Variants in ABL2 observed in about 807,000 individuals in gnomAD.
ABL2 encodes the protein tyrosine-protein kinase ABL2.
Under a neutral mutation model 107.7 loss-of-function variants are expected in ABL2, and 49 were observed. The ratio of observed to expected loss-of-function variants is 0.45; its 90% CI spans 0.36 to 0.58. ABL2 has a LOEUF of 0.58. ABL2 is among the 20% of genes least tolerant of loss of function. The probability of loss-of-function intolerance (pLI) is 0.00; values close to 1 mark genes in which losing one functional copy is unlikely to be tolerated. For synonymous variants in ABL2, 549 were observed against 548.6 expected, an observed-to-expected ratio of 1.00 and a Z score of -0.01; for missense variants, 1,245 against 1,457.0, an observed-to-expected ratio of 0.85 and a Z score of 2.37.
At chr1:179,202,540 C>A (rs1297875002) in intron 1 of ABL2, among the ~76,000 whole-genome samples, 1 of 152,194 alleles carries the variant, frequency 6.6e-6, no homozygotes, top group Non-Finnish European at 1.5e-5. Context: ...GCCTAAATAC[C>A]TGTATACAAA....
chr1:179,099,666 T>A lies in ABL2; in HGVS notation c.*8052A>T, dbSNP rs1224177410. On this transcript the variant is annotated 3_prime_UTR_variant, in exon 12 of 12. Transcript: ENST00000502732. ...CAAACCTCACCCTCTGTGCACCACA[T>A]ACACACCTGCGGGGCGGGACCTTTG... 4.3e-6 allele frequency: 1 copy of A among 231,108 alleles called. No homozygotes were observed. Among genetic ancestry groups the A allele is most frequent in the Non-Finnish European group, 8.6e-6 (1 of 116,810 alleles). The allele number at this position is 231,108 out of a possible 1,614,324, so 14.3% of individuals were successfully genotyped here.
rs1457116735 is a variant in ABL2 at position 179,099,394 on chromosome 1, G to A, written c.*8324C>T. 4.8e-6 allele frequency: 1 copy of A among 208,434 alleles called. No individual in the cohort carries two copies. Among genetic ancestry groups the A allele is most frequent in the Non-Finnish European group, 9.8e-6 (1 of 102,492 alleles). 12.9% of individuals were successfully genotyped at this position (208,434 alleles called of 1,614,324 possible). A position where few individuals can be genotyped will look rare whatever the true frequency, so the allele number is the denominator to read the frequency against. On this transcript the variant is annotated 3_prime_UTR_variant, in exon 12 of 12. Coordinates refer to ENST00000502732, the MANE Select transcript of ABL2 (RefSeq NM_007314.4). ...CACAACTTGGCAAACCTTGTGAGAA[G>A]ACAGAGAAAGCAGTCCCTTTCAAGG...
intron 1 of ABL2, among the ~76,000 whole-genome samples, chr1:179,170,573 T>C (rs956529317): frequency 2.6e-5 from 4 of 152,042 alleles, no homozygotes; most frequent in African/African-American, 7.2e-5. Flanking sequence ...CACGTCACCA[T>C]GCCCAGCTAA....
In ABL2 at chr1:179,156,595, C is replaced by T. The variant is rs183535797; in HGVS notation, c.158-23221G>A. Among the ~76,000 whole-genome samples, 412 of 152,240 alleles carry T rather than the reference C, an allele frequency of 2.7e-3. 2 individuals are homozygous for T. The highest frequency in any genetic ancestry group is 9.5e-3 in the African/African-American group (395 of 41,544). On this transcript the variant is annotated intron_variant, in intron 1 of 11. Transcript: ENST00000502732. ...CCTTAGTTAATAAAACTTTACTAGG[C>T]CTGGCATGGTGGCTCACACCTGTAA...
Position 179,106,579 on chromosome 1 carries a change from T to A in ABL2, c.*1139A>T, listed in dbSNP as rs1212900542. ...AAATCCATAGAGAGGAGAATGCCTCTCCCTATTCTCTACCTGGATTGGGCT... is the reference window on the plus strand; with the variant it reads ...AAATCCATAGAGAGGAGAATGCCTCACCCTATTCTCTACCTGGATTGGGCT... On this transcript the variant is annotated 3_prime_UTR_variant, in exon 12 of 12. Coordinates refer to ENST00000502732, the MANE Select transcript of ABL2 (RefSeq NM_007314.4). 2 of 232,894 alleles carry A rather than the reference T, an allele frequency of 8.6e-6. No homozygotes were observed. Among genetic ancestry groups the A allele is most frequent in the Admixed American group, 1.1e-4 (2 of 17,766 alleles). The allele number at this position is 232,894 out of a possible 1,614,324, so 14.4% of individuals were successfully genotyped here. A position where few individuals can be genotyped will look rare whatever the true frequency, so the allele number is the denominator to read the frequency against.
chr1:179,206,706 G>C (rs1297142189), intron 1 of ABL2, among the ~76,000 whole-genome samples: 1 of 152,154 alleles, frequency 6.6e-6, no homozygotes, highest in Non-Finnish European at 1.5e-5. Context: ...TGAAGAAAAG[G>C]AGTGGCAGGA....
rs1429558389 is a variant in ABL2 at position 179,108,523 on chromosome 1, G to C, written c.2744C>G (p.Ser915Cys). The change falls in exon 12 of 12, where the codon TCT becomes TGT. Residue 915 changes from serine (S) to cysteine (C), a missense_variant. Around this residue, in one of 3 missense-constraint regions of ABL2, gnomAD observed 761 missense variants for 766.4 expected, o/e 0.99. Coordinates refer to ENST00000502732, the MANE Select transcript of ABL2 (RefSeq NM_007314.4). ...GAGGACGGGGGCAGCCTTGGCTGGA[G>C]AAGGCCAGCCCGGCTGCTCTCCATC... ...PEDGEQPGWP[S>C]PAKAAPVLPT... 1.2e-6 allele frequency: 2 copies of C among 1,614,058 alleles called. No individual in the cohort carries two copies. The highest frequency in any genetic ancestry group is 1.3e-5 in the African/African-American group (1 of 74,946).
Position 179,101,780 on chromosome 1 carries a change from G to C in ABL2, c.*5938C>G, listed in dbSNP as rs34112331. 7.2e-3 allele frequency: 1,359 copies of C among 189,108 alleles called. 14 individuals are homozygous for C. The highest frequency in any genetic ancestry group is 0.019 in the African/African-American group (815 of 42,890). The allele number at this position is 189,108 out of a possible 1,614,324, so 11.7% of individuals were successfully genotyped here. On this transcript the variant is annotated 3_prime_UTR_variant, in exon 12 of 12. Coordinates refer to ENST00000502732, the MANE Select transcript of ABL2 (RefSeq NM_007314.4). Reference sequence around the variant, plus strand: ...ATTGCAATAAACTTCCCAAGAGACAGGCTGGACTGAGTCATGGGGGTGAGT... The same window carrying C: ...ATTGCAATAAACTTCCCAAGAGACACGCTGGACTGAGTCATGGGGGTGAGT...
chr1:179,171,010 C>G (rs2793793), intron 1 of ABL2, among the ~76,000 whole-genome samples: 52,665 of 152,016 alleles, frequency 0.35, 9,530 homozygotes, highest in East Asian at 0.48. Context: ...GGCAATAATA[C>G]CTTTCTTAAA....
At chr1:179,119,892 C>G (rs1388300536) in intron 6 of ABL2, among the ~76,000 whole-genome samples, 3 of 152,152 alleles carry the variant, frequency 2.0e-5, no homozygotes, top group Admixed American at 6.5e-5. Context: ...TTTTTAAACA[C>G]AGAACCTACT....
intron 1 of ABL2, among the ~76,000 whole-genome samples, chr1:179,133,875 G>C (rs1227485804): frequency 6.6e-6 from 1 of 152,148 alleles, no homozygotes; most frequent in African/African-American, 2.4e-5. Context: ...TAAAATTTAT[G>C]TGAATGTGGT....
At chr1:179,218,450 G>A (rs1662699779) in intron 1 of ABL2, among the ~76,000 whole-genome samples, 1 of 152,144 alleles carries the variant, frequency 6.6e-6, no homozygotes, top group Non-Finnish European at 1.5e-5. Flanking sequence ...AGGCTGGAGT[G>A]CAGTGGTACG....
At chr1:179,199,895 C>T (rs939639018) in intron 1 of ABL2, among the ~76,000 whole-genome samples, 3 of 151,584 alleles carry the variant, frequency 2.0e-5, no homozygotes, top group African/African-American at 7.3e-5. Flanking sequence ...TCCATGCCAG[C>T]CAAAATTTAA....
At chr1:179,192,217 T>C (rs1282572186) in intron 1 of ABL2, among the ~76,000 whole-genome samples, 4 of 152,320 alleles carry the variant, frequency 2.6e-5, no homozygotes, top group East Asian at 1.9e-4. Context: ...AAGGTAGATA[T>C]GGCTGGCATC....
At chr1:179,122,601 T>C (rs1655332018) in intron 4 of ABL2, among the ~76,000 whole-genome samples, 1 of 151,924 alleles carries the variant, frequency 6.6e-6, no homozygotes, top group East Asian at 1.9e-4. Flanking sequence ...TATATATATT[T>C]TCAAATATAT....
chr1:179,158,698 A>G lies in ABL2; in HGVS notation c.158-25324T>C, dbSNP rs375982154. 1.7e-4 allele frequency among the ~76,000 whole-genome samples: 26 copies of G among 152,334 alleles called. No individual in the cohort carries two copies. The East Asian group carries it at 2.5e-3, about 15-fold the overall frequency. Reference sequence around the variant, plus strand: ...GGTAGCGCACACACACAAAAAGAACATTCCTTATGAATATAGATGCAAAAG... The same window carrying G: ...GGTAGCGCACACACACAAAAAGAACGTTCCTTATGAATATAGATGCAAAAG... On this transcript the variant is annotated intron_variant, in intron 1 of 11. Coordinates refer to ENST00000502732, the MANE Select transcript of ABL2 (RefSeq NM_007314.4).
chr1:179,129,460 G>T (rs147342420), intron 3 of ABL2, among the ~76,000 whole-genome samples: 1 of 152,140 alleles, frequency 6.6e-6, no homozygotes, highest in African/African-American at 2.4e-5. Flanking sequence ...GAAGCAGGTG[G>T]ATCACAGGTC....
At chr1:179,150,474 T>C (rs1407742093) in intron 1 of ABL2, among the ~76,000 whole-genome samples, 1 of 152,194 alleles carries the variant, frequency 6.6e-6, no homozygotes, top group South Asian at 2.1e-4. Context: ...TAATTGCAGA[T>C]GTGGTGGAAA....
chr1:179,162,846 A>G (rs1424889241), intron 1 of ABL2, among the ~76,000 whole-genome samples: 1 of 152,226 alleles, frequency 6.6e-6, no homozygotes, highest in African/African-American at 2.4e-5. Context: ...GTCTGAGATC[A>G]CAAGGTGAAT....
Sources: allele counts gnomAD v4.1 joint callset (sites outside exome capture counted in the v4.1 genomes callset), GRCh38; gene constraint gnomAD v4.1.1; regional missense constraint gnomAD v4.1.1; transcripts MANE v1.5; gene names NCBI Gene and HGNC (gene_info 2026-07-23, HGNC 2026-07-21).